Variants in SCD5 observed in about 807,000 individuals in gnomAD.
SCD5 encodes the protein stearoyl-CoA desaturase 5.
SCD5 carries 20 observed loss-of-function variants against 30.4 expected under a neutral mutation model. The observed-to-expected ratio is 0.66, with a 90% CI of 0.46 to 0.96. The LOEUF is 0.96. Among genes scored for constraint, SCD5 ranks in the 40% least tolerant of loss-of-function variants. The pLI is 0.00. For synonymous variants in SCD5, 173 were observed against 176.4 expected (o/e 0.98, Z 0.16); for missense variants, 381 against 443.3 (o/e 0.86, Z 1.26).
intron 3 of SCD5, among the ~76,000 whole-genome samples, chr4:82,664,441 AAG>A (rs138925120): frequency 0.54 from 50,993 of 94,980 alleles, 9,288 homozygotes; most frequent in African/African-American, 0.62. Flanking sequence ...ACAAAAGTGC[AAG>A]GGGGGGGGAA....
At chr4:82,662,054 G>GTTAT (rs1192634156) in intron 3 of SCD5, among the ~76,000 whole-genome samples, 1 of 152,142 alleles carries the variant, frequency 6.6e-6, no homozygotes, top group Non-Finnish European at 1.5e-5. Context: ...AACAGTGTAT[G>GTTAT]TTATTTATTT....
At chr4:82,769,547 A>G (rs1721572763) in intron 1 of SCD5, among the ~76,000 whole-genome samples, 1 of 152,142 alleles carries the variant, frequency 6.6e-6, no homozygotes, top group African/African-American at 2.4e-5. Flanking sequence ...AAACTTGACA[A>G]TTGTACTGAT....
chr4:82,696,853 G>A (rs1719707240), intron 2 of SCD5, among the ~76,000 whole-genome samples: 1 of 152,202 alleles, frequency 6.6e-6, no homozygotes, highest in Admixed American at 6.5e-5. Context: ...GACTTGTCAA[G>A]GAATTGCATT....
chr4:82,780,804 A>ACCCCAGGAGG (rs1283307324), intron 1 of SCD5, among the ~76,000 whole-genome samples: 1 of 152,176 alleles, frequency 6.6e-6, no homozygotes, highest in Non-Finnish European at 1.5e-5. Flanking sequence ...ACACCTGGCC[A>ACCCCAGGAGG]CCCCAGGAGG....
intron 1 of SCD5, among the ~76,000 whole-genome samples, chr4:82,712,904 C>A (rs954634646): frequency 6.6e-6 from 1 of 152,204 alleles, no homozygotes; most frequent in Non-Finnish European, 1.5e-5. Flanking sequence ...GTGATTTCCA[C>A]GTAGGTACTA....
intron 1 of SCD5, among the ~76,000 whole-genome samples, chr4:82,744,541 C>T (rs1045182932): frequency 2.6e-5 from 4 of 152,146 alleles, no homozygotes; most frequent in African/African-American, 9.7e-5. Context: ...TCTGGAATGC[C>T]CAACTTCATG....
intron 3 of SCD5, among the ~76,000 whole-genome samples, chr4:82,641,655 G>C (rs1413582428): frequency 6.6e-6 from 1 of 152,172 alleles, no homozygotes; most frequent in Non-Finnish European, 1.5e-5. Context: ...AGATGAACAA[G>C]AGGGAGGGTT....
chr4:82,789,928 C>T (rs1403414250), intron 1 of SCD5, among the ~76,000 whole-genome samples: 1 of 152,072 alleles, frequency 6.6e-6, no homozygotes, highest in African/African-American at 2.4e-5. Flanking sequence ...TTTGTGATAG[C>T]CTTAGGGGTT....
chr4:82,710,613 G>A (rs545306172), intron 1 of SCD5, among the ~76,000 whole-genome samples: 1 of 152,228 alleles, frequency 6.6e-6, no homozygotes, highest in Non-Finnish European at 1.5e-5. Flanking sequence ...CTTGGGAGAG[G>A]GTGACCCCTG....
chr4:82,656,558 C>T (rs1012245840), intron 3 of SCD5, among the ~76,000 whole-genome samples: 1 of 152,202 alleles, frequency 6.6e-6, no homozygotes, highest in African/African-American at 2.4e-5. Flanking sequence ...CTGCAATAAA[C>T]ATACATGTGC....
At chr4:82,772,795 T>C (rs2148849037) in intron 1 of SCD5, among the ~76,000 whole-genome samples, 1 of 152,316 alleles carries the variant, frequency 6.6e-6, no homozygotes, top group African/African-American at 2.4e-5. Context: ...TTCTGCTGCT[T>C]GATGAACTGT....
In SCD5 at chr4:82,669,984, T is replaced by G. The variant is rs1728273581; in HGVS notation, c.569+10723A>C. On this transcript the variant is annotated intron_variant, in intron 3 of 4. Transcript: ENST00000319540. The stretch of plus-strand genomic sequence containing the variant: ...CAGAGGCATAAGTTCACTAACAGAC[T>G]GAGACCTAATCACAAGGCTCTAGAA... Among the ~76,000 whole-genome samples, 3 of 152,290 alleles carry G rather than the reference T, an allele frequency of 2.0e-5. No individual in the cohort carries two copies. In the South Asian group the frequency reaches 6.2e-4, roughly 32 times the overall value.
chr4:82,755,781 C>G (rs1158623220), intron 1 of SCD5, among the ~76,000 whole-genome samples: 4 of 152,134 alleles, frequency 2.6e-5, no homozygotes, highest in African/African-American at 9.7e-5. Flanking sequence ...GTCTGGCCAG[C>G]CTTATGATGA....
At chr4:82,783,817 G>T (rs2148852122) in intron 1 of SCD5, among the ~76,000 whole-genome samples, 1 of 147,052 alleles carries the variant, frequency 6.8e-6, no homozygotes, top group South Asian at 2.2e-4. Flanking sequence ...AAAAAAAAAA[G>T]GAAAAAAATT....
intron 1 of SCD5, among the ~76,000 whole-genome samples, chr4:82,754,550 C>T (rs1024000742): frequency 6.6e-6 from 1 of 152,160 alleles, no homozygotes; most frequent in East Asian, 1.9e-4. Context: ...GCCCACCCTC[C>T]TAACCCGACA....
intron 1 of SCD5, among the ~76,000 whole-genome samples, chr4:82,780,149 G>A (rs994043340): frequency 6.6e-6 from 1 of 152,202 alleles, no homozygotes; most frequent in Non-Finnish European, 1.5e-5. Flanking sequence ...TTCTTGCACA[G>A]TTCTACATTC....
intron 1 of SCD5, among the ~76,000 whole-genome samples, chr4:82,781,726 C>A (rs1211996092): frequency 3.3e-5 from 5 of 152,194 alleles, no homozygotes; most frequent in African/African-American, 1.2e-4. Flanking sequence ...CTCACCCTCT[C>A]ATTGCCCTTG....
At chr4:82,758,190 C>T (rs1262543942) in intron 1 of SCD5, among the ~76,000 whole-genome samples, 2 of 152,180 alleles carry the variant, frequency 1.3e-5, no homozygotes, top group Non-Finnish European at 2.9e-5. Flanking sequence ...CAGTGGGGTG[C>T]AGTGTCTCAC....
intron 3 of SCD5, among the ~76,000 whole-genome samples, chr4:82,646,063 C>CA (rs1553914044): frequency 6.6e-6 from 1 of 152,096 alleles, no homozygotes; most frequent in Non-Finnish European, 1.5e-5. Flanking sequence ...CCAAGGGGGC[C>CA]AGCCTGAGGA....
Sources: gnomAD v4.1 joint callset for allele counts (sites outside exome capture counted in the v4.1 genomes callset) on GRCh38, gnomAD v4.1.1 for gene constraint, MANE v1.5 for transcripts, NCBI Gene and HGNC (gene_info 2026-07-23, HGNC 2026-07-21) for gene names.